GALNT14: variants seen among roughly 807,000 people sequenced by gnomAD.
GALNT14 encodes the protein UDP-GalNAc:polypeptide N-acetylgalactosaminyltransferase 14.
A neutral mutation model predicts 77.5 loss-of-function variants in GALNT14; 60 were observed. That is an observed-to-expected ratio of 0.77 (90% CI 0.63 to 0.96). The LOEUF (loss-of-function observed/expected upper bound fraction) is 0.96. Among genes scored for constraint, GALNT14 ranks in the 40% least tolerant of loss-of-function variants. GALNT14 has a pLI of 0.00. For missense variants in GALNT14, 710 were observed against 731.0 expected (o/e 0.97, Z 0.33); for synonymous variants, 280 against 281.7 (o/e 0.99, Z 0.06).
At chr2:30,984,139 C>T (rs1298886101) in intron 2 of GALNT14, among the ~76,000 whole-genome samples, 2 of 152,208 alleles carry the variant, frequency 1.3e-5, no homozygotes, top group Admixed American at 1.3e-4. Flanking sequence ...TCAGCTCCTT[C>T]TCCCCTAAGA....
intron 1 of GALNT14, among the ~76,000 whole-genome samples, chr2:31,134,230 CA>C (rs1345004549): frequency 6.6e-6 from 1 of 152,230 alleles, no homozygotes; most frequent in Non-Finnish European, 1.5e-5. Flanking sequence ...CAGCTCTCTC[CA>C]ATCTCTACAC....
At chr2:30,970,878 C>G (rs1668307909) in intron 2 of GALNT14, among the ~76,000 whole-genome samples, 1 of 152,202 alleles carries the variant, frequency 6.6e-6, no homozygotes, top group Non-Finnish European at 1.5e-5. Context: ...GTGACCCTCA[C>G]AACCGCCCCC....
intron 6 of GALNT14, among the ~76,000 whole-genome samples, chr2:30,951,961 G>A (rs1321606184): frequency 6.6e-6 from 1 of 152,192 alleles, no homozygotes; most frequent in Non-Finnish European, 1.5e-5. Flanking sequence ...CTGAGGAGGG[G>A]ACAGAAGTGC....
chr2:31,072,333 G>A (rs925844701), intron 1 of GALNT14, among the ~76,000 whole-genome samples: 1 of 148,148 alleles, frequency 6.8e-6, no homozygotes, highest in Non-Finnish European at 1.5e-5. Context: ...GCATGCGGAC[G>A]TGCAGAGATA....
downstream of GALNT14, among the ~76,000 whole-genome samples, chr2:30,909,138 C>T (rs1243157763): frequency 1.3e-5 from 2 of 151,864 alleles, no homozygotes; most frequent in African/African-American, 4.8e-5. Flanking sequence ...CCATTCAGGA[C>T]ATAGGCACGG....
chr2:30,924,647 T>C, intron 12 of GALNT14, 93 bp downstream of exon 12: 2 of 1,017,712 alleles, frequency 2.0e-6, no homozygotes, highest in South Asian at 1.4e-5. Context: ...AAAGCCCTCA[T>C]CCAGTTGGTC....
At chr2:31,057,607 T>C (rs1423765317) in intron 1 of GALNT14, among the ~76,000 whole-genome samples, 5 of 152,034 alleles carry the variant, frequency 3.3e-5, no homozygotes, top group Middle Eastern at 3.4e-3. Context: ...TGCTTTACTG[T>C]TTTTATTCAT....
chr2:30,984,297 G>A (rs1404080407), intron 2 of GALNT14, among the ~76,000 whole-genome samples: 1 of 152,242 alleles, frequency 6.6e-6, no homozygotes, highest in Non-Finnish European at 1.5e-5. Flanking sequence ...TGTTCAGCCT[G>A]CACTTTGTTT....
intron 1 of GALNT14, among the ~76,000 whole-genome samples, chr2:31,075,031 A>C (rs1367350302): frequency 3.3e-5 from 5 of 152,210 alleles, no homozygotes; most frequent in Admixed American, 6.5e-5. Context: ...GGAGGTGTTC[A>C]GGTCCTGGGA....
intron 1 of GALNT14, chr2:31,079,097 T>C: frequency 1.6e-6 from 2 of 1,221,684 alleles, no homozygotes; most frequent in South Asian, 1.4e-5. Flanking sequence ...AAAATGCATA[T>C]GATGATATTT....
chr2:31,072,918 A>G (rs138220659), intron 1 of GALNT14: 82 of 152,254 alleles, frequency 5.4e-4, no homozygotes, highest in Admixed American at 2.2e-3. Flanking sequence ...TTTTGCTCTT[A>G]AACAGTTGAG....
At chr2:31,025,034 T>C (rs551123661) in intron 1 of GALNT14, among the ~76,000 whole-genome samples, 4 of 151,598 alleles carry the variant, frequency 2.6e-5, no homozygotes, top group Non-Finnish European at 5.9e-5. Context: ...TCCTACATAG[T>C]TATTAAGTTA....
intron 1 of GALNT14, among the ~76,000 whole-genome samples, chr2:31,029,507 C>A (rs1672279935): frequency 6.6e-6 from 1 of 152,202 alleles, no homozygotes; most frequent in Non-Finnish European, 1.5e-5. Context: ...ATTTCTCAGC[C>A]TGCCCTGTAA....
intron 1 of GALNT14, among the ~76,000 whole-genome samples, chr2:31,078,235 G>A (rs75268315): frequency 2.6e-3 from 390 of 152,294 alleles, no homozygotes; most frequent in African/African-American, 8.9e-3. Context: ...GCTATGGCAG[G>A]GAAAATTCAG....
rs558092993 is a variant in GALNT14, at chr2:31,111,071, G to T, written c.129+26887C>A. 1.9e-3 allele frequency among the ~76,000 whole-genome samples: 286 copies of T among 152,208 alleles called. 1 individual carries two copies. Among genetic ancestry groups the T allele is most frequent in the Admixed American group, 5.0e-3 (77 of 15,292 alleles). ...AGAGCTAGAGGATTTAAAACAACAG[G>T]CACTCTGGCCTCTCAAAGACAGCAG... On this transcript the variant is annotated intron_variant, in intron 1 of 14. Coordinates refer to ENST00000349752, the MANE Select transcript of GALNT14 (RefSeq NM_024572.4).
Position 31,135,921 on chromosome 2 carries a change from G to C in GALNT14, c.129+2037C>G, listed in dbSNP as rs114913292. Among the ~76,000 whole-genome samples the C allele has an allele frequency of 8.0e-3, 1,223 of 152,300 alleles. 18 individuals are homozygous for C. Among genetic ancestry groups the C allele is most frequent in the African/African-American group, 0.028 (1,183 of 41,556 alleles). On this transcript the variant is annotated intron_variant, in intron 1 of 14. Coordinates refer to ENST00000349752, the MANE Select transcript of GALNT14 (RefSeq NM_024572.4). ...GATAAGAAGAGGCAGGAGAGGAGGA[G>C]GGACAAAGAGTGCACAAAGAAAGAA... is the stretch of plus-strand genomic sequence containing the variant.
At chr2:30,973,383 C>A (rs12611832) in intron 2 of GALNT14, among the ~76,000 whole-genome samples, 3,947 of 152,230 alleles carry the variant, frequency 0.026, 151 homozygotes, top group East Asian at 0.21. Context: ...AAAGAATGAG[C>A]GGAGAAAAGC....
At chr2:31,122,719 A>T (rs1678474863) in intron 1 of GALNT14, among the ~76,000 whole-genome samples, 1 of 152,138 alleles carries the variant, frequency 6.6e-6, no homozygotes, top group Non-Finnish European at 1.5e-5. Flanking sequence ...TGTTTCTATA[A>T]ACATTTTCTA....
chr2:30,955,830 T>C, intron 5 of GALNT14, 82 bp downstream of exon 5: 1 of 1,608,148 alleles, frequency 6.2e-7, no homozygotes, highest in Non-Finnish European at 8.5e-7. Context: ...TCCCCACTGA[T>C]CACCCCAACA....
Sources: allele counts gnomAD v4.1 joint callset (sites outside exome capture counted in the v4.1 genomes callset), GRCh38; gene constraint gnomAD v4.1.1; transcripts MANE v1.5; gene names NCBI Gene and HGNC (gene_info 2026-07-23, HGNC 2026-07-21).